Variants in KRT75 observed in about 807,000 individuals in gnomAD.
KRT75 encodes keratin, type II cytoskeletal 75.
A neutral mutation model predicts 48.8 loss-of-function variants in KRT75; 35 were observed. The ratio of observed to expected loss-of-function variants is 0.72; its 90% CI spans 0.55 to 0.95. The LOEUF is 0.95. KRT75 is among the 40% of genes least tolerant of loss of function. The probability of loss-of-function intolerance (pLI) is 0.00; values close to 1 mark genes in which losing one functional copy is unlikely to be tolerated. For synonymous variants in KRT75, 301 were observed against 282.3 expected, an observed-to-expected ratio of 1.07 and a Z score of -0.66; for missense variants, 776 against 709.9, an observed-to-expected ratio of 1.09 and a Z score of -1.06.
intron 1 of KRT75, among the ~76,000 whole-genome samples, chr12:52,433,491 G>T (rs888918740): frequency 6.6e-6 from 1 of 151,718 alleles, no homozygotes. Flanking sequence ...CTGCTCTTGG[G>T]TTAAGTTTCT....
chr12:52,430,464 G>A (rs1940128864), intron 5 of KRT75, 77 bp downstream of exon 5: 3 of 1,448,844 alleles, frequency 2.1e-6, no homozygotes, highest in East Asian at 4.6e-5. Context: ...CACGTTTCCT[G>A]AGGCTGAGTT....
At chr12:52,429,489 T>C (rs3782486) in intron 5 of KRT75, among the ~76,000 whole-genome samples, 49,885 of 152,054 alleles carry the variant, frequency 0.33, 9,977 homozygotes, top group African/African-American at 0.58. Context: ...AACCTACACC[T>C]TTCCCTGACA....
At chr12:52,428,894 C>T in intron 5 of KRT75, 151 bp from the exon 6 acceptor site, 1 of 914,378 alleles carries the variant, frequency 1.1e-6, no homozygotes, top group Non-Finnish European at 1.8e-6. Context: ...TATTGGGGGA[C>T]ATAGACATTA....
Position 52,424,387 on chromosome 12 carries a change from A to G in KRT75, c.*130T>C, listed in dbSNP as rs2121512129. ...GGCTGGCTTAGGCCTGGGAATGGGT[A>G]TAGCCAGTACTCCAGGCTCCCAGCA... On this transcript the variant is annotated 3_prime_UTR_variant, in exon 9 of 9. Coordinates refer to ENST00000252245, the MANE Select transcript of KRT75 (RefSeq NM_004693.3). 1.1e-6 allele frequency: 1 copy of G among 882,018 alleles called. No individual in the cohort carries two copies. The highest frequency in any genetic ancestry group is 1.9e-6 in the Non-Finnish European group (1 of 518,502). The allele number at this position is 882,018 out of a possible 1,614,324, so 54.6% of individuals were successfully genotyped here. A position where few individuals can be genotyped will look rare whatever the true frequency, so the allele number is the denominator to read the frequency against.
chr12:52,432,994 C>G, intron 2 of KRT75, 44 bp downstream of exon 2: 1 of 1,588,848 alleles, frequency 6.3e-7, no homozygotes, highest in Non-Finnish European at 8.6e-7. Context: ...CACAAAGGAG[C>G]CTTCAGATGG....
chr12:52,425,163 C>G (rs1194108697), intron 8 of KRT75, among the ~76,000 whole-genome samples: 1 of 152,214 alleles, frequency 6.6e-6, no homozygotes, highest in East Asian at 1.9e-4. Context: ...CAGCCCCACA[C>G]TCAGAATCCC....
Position 52,432,009 on chromosome 12 carries a change from T to G in KRT75, c.771A>C (p.Lys257Asn). The change falls in exon 3 of 9, where the codon AAA becomes AAC. Residue 257 changes from lysine to asparagine, a missense_variant. Lys to Asn is a moderately conservative substitution (Grantham distance 94, BLOSUM62 0). Coordinates refer to ENST00000252245, the MANE Select transcript of KRT75 (RefSeq NM_004693.3). ...TGAGAGAAACATCCCCACTCACCTT[T>G]TTCAGGGCTACAAATTCATTCTCAG... ...TAAENEFVAL[K>N]KDVDAAYMNK... is the part of the protein sequence containing the mutation. 3 of 1,614,196 alleles carry G rather than the reference T, an allele frequency of 1.9e-6. No homozygotes were observed. The South Asian group carries it at 3.3e-5, about 18-fold the overall frequency.
rs574290109 is a variant in KRT75, at chr12:52,430,727, A to C, written c.871-22T>G. On this transcript the variant is annotated intron_variant, in intron 4 of 8. Transcript: ENST00000252245. ...GCTCCTGCAGGGCAGTAAACTCAGC[A>C]TCACCAAGGCATAAGATGAAGAATC... is the stretch of plus-strand genomic sequence containing the variant. 23 of 1,614,012 alleles carry C rather than the reference A, an allele frequency of 1.4e-5. No individual in the cohort carries two copies. The South Asian group carries it at 2.4e-4, about 17-fold the overall frequency.
At chr12:52,426,596 C>T (rs7964473) in intron 8 of KRT75, among the ~76,000 whole-genome samples, 1,627 of 152,340 alleles carry the variant, frequency 0.011, 33 homozygotes, top group African/African-American at 0.037. Context: ...ATCACCCCTT[C>T]TGTGACACCC....
At chr12:52,430,490 G>A (rs1469303382) in intron 5 of KRT75, 51 bp downstream of exon 5, 2 of 1,564,106 alleles carry the variant, frequency 1.3e-6, no homozygotes, top group East Asian at 2.2e-5. Context: ...ATAATGTGGA[G>A]CCTCAGAGAA....
Position 52,424,139 on chromosome 12 carries a change from C to T in KRT75, c.*378G>A. 2 of 334,846 alleles carry T rather than the reference C, an allele frequency of 6.0e-6. No individual in the cohort carries two copies. The highest frequency in any genetic ancestry group is 6.0e-5 in the South Asian group (2 of 33,218). 20.7% of individuals were successfully genotyped at this position (334,846 alleles called of 1,614,324 possible). Reference sequence around the variant, plus strand: ...GAGGGAGCACTCACTCCCAGCAGGCCACTTATAAACACTATGAGACAGGTG... The same window carrying T: ...GAGGGAGCACTCACTCCCAGCAGGCTACTTATAAACACTATGAGACAGGTG... On this transcript the variant is annotated 3_prime_UTR_variant, in exon 9 of 9. Coordinates refer to ENST00000252245, the MANE Select transcript of KRT75 (RefSeq NM_004693.3).
Position 52,434,315 on chromosome 12 carries a change from GA to G in KRT75, c.-12del. ...GGACTGCCGAGACATGGTGGGTGAG[GA>G]AGGCCGGCGAGAAGGCACCTGAGGT... is the stretch of plus-strand genomic sequence containing the variant. On this transcript the variant is annotated 5_prime_UTR_variant, in exon 1 of 9. Coordinates refer to ENST00000252245, the MANE Select transcript of KRT75 (RefSeq NM_004693.3). 1 of 1,582,694 alleles carries G rather than the reference GA, an allele frequency of 6.3e-7. No homozygotes were observed. The highest frequency in any genetic ancestry group is 8.5e-7 in the Non-Finnish European group (1 of 1,171,708).
intron 7 of KRT75, among the ~76,000 whole-genome samples, chr12:52,427,148 A>G (rs1459345668): frequency 6.6e-6 from 1 of 152,376 alleles, no homozygotes; most frequent in East Asian, 1.9e-4. Context: ...AAGTAATCAT[A>G]TACTGGCATC....
In KRT75 at chr12:52,434,104, A is replaced by C. The variant is rs752004174; in HGVS notation, c.201T>G (p.Gly67=). The change falls in exon 1 of 9, where the codon GGT becomes GGG. Residue 67 remains glycine (G), a synonymous_variant. Coordinates refer to ENST00000252245, the MANE Select transcript of KRT75 (RefSeq NM_004693.3). ...ACCCATTGATGGAGACCCGCTTGGC[A>C]CCCCCCAGGTTGTAGAGGCTGCGGC... ...FGSRSLYNLG[G]AKRVSINGCG... The C allele has an allele frequency of 5.6e-6, 9 of 1,613,780 alleles. No homozygotes were observed. Among genetic ancestry groups the C allele is most frequent in the Middle Eastern group, 1.6e-4 (1 of 6,062 alleles).
rs990520816 is a variant in KRT75, at chr12:52,429,612, G to A, written c.1036-869C>T. ...AAATGGAGCAACAACCCAACAACAT[G>A]AGGAATCGTTTGCTATCGATTTCAA... On this transcript the variant is annotated intron_variant, in intron 5 of 8. Transcript: ENST00000252245. Among the ~76,000 whole-genome samples the A allele has an allele frequency of 2.6e-5, 4 of 152,158 alleles. No homozygotes were observed. The East Asian group carries it at 7.7e-4, about 29-fold the overall frequency.
At chr12:52,425,194 C>T (rs1180959894) in intron 8 of KRT75, among the ~76,000 whole-genome samples, 2 of 152,196 alleles carry the variant, frequency 1.3e-5, no homozygotes, top group African/African-American at 2.4e-5. Context: ...CTGGAATATT[C>T]TTGATGGATC....
At chr12:52,432,475 A>C (rs1034904800) in intron 2 of KRT75, among the ~76,000 whole-genome samples, 1 of 152,218 alleles carries the variant, frequency 6.6e-6, no homozygotes, top group Middle Eastern at 3.4e-3. Context: ...GGCCCCTGAG[A>C]AATATGCTTT....
chr12:52,433,197 T>G lies in KRT75; in HGVS notation c.554A>C (p.Gln185Pro), dbSNP rs2121513187. Reference protein sequence around the residue: ...KVLETKWALLQEQGSRTVRQN... With the variant: ...KVLETKWALLPEQGSRTVRQN... Reference sequence around the variant, plus strand: ...CCTCACAGTCCTGGAGCCCTGCTCCTGCAGGAGGGCCCACTTGGTCTCCAG... The same window carrying G: ...CCTCACAGTCCTGGAGCCCTGCTCCGGCAGGAGGGCCCACTTGGTCTCCAG... The change falls in exon 2 of 9, where the codon CAG (glutamine) becomes CCG (proline). Residue 185 changes from glutamine (Q) to proline (P), a missense_variant. By Grantham distance (76) the Gln-to-Pro change is moderately conservative. Coordinates refer to ENST00000252245, the MANE Select transcript of KRT75 (RefSeq NM_004693.3). 1 of 1,614,144 alleles carries G rather than the reference T, an allele frequency of 6.2e-7. No individual in the cohort carries two copies. Among genetic ancestry groups the G allele is most frequent in the East Asian group, 2.2e-5 (1 of 44,882 alleles).
rs1940184495 is a variant in KRT75 at position 52,434,025 on chromosome 12, C to A, written c.280G>T (p.Val94Phe). ...FGGRASNRFG[V>F]NSGFGYGGGV... The stretch of plus-strand genomic sequence containing the variant: ...CCCCCATAGCCAAATCCACTGTTGA[C>A]TCCAAACCTGTTGCTGGCCCTGCCA... The change falls in exon 1 of 9, where the codon GTC (valine) becomes TTC (phenylalanine). Residue 94 changes from valine to phenylalanine, a missense_variant. By Grantham distance (50) the Val-to-Phe change is conservative. Transcript: ENST00000252245. 39 of 1,613,994 alleles carry A rather than the reference C, an allele frequency of 2.4e-5. No individual in the cohort carries two copies. The highest frequency in any genetic ancestry group is 3.1e-5 in the Non-Finnish European group (36 of 1,180,004).
Sources: gnomAD v4.1 joint callset for allele counts (sites outside exome capture counted in the v4.1 genomes callset) on GRCh38, gnomAD v4.1.1 for gene constraint, MANE v1.5 for transcripts, NCBI Gene and HGNC (gene_info 2026-07-23, HGNC 2026-07-21) for gene names.